The following MPV17 variants were observed in gnomAD, a reference collection of about 807,000 sequenced individuals.
MPV17 encodes mitochondrial inner membrane protein MPV17.
In MPV17, 31 loss-of-function variants were observed where a neutral mutation model predicts 28.6. That is an observed-to-expected ratio of 1.08 (90% CI 0.81 to 1.46). MPV17 has a LOEUF of 1.46. MPV17 is among the 40% of genes most tolerant of loss of function. MPV17 has a pLI of 0.00. For synonymous variants in MPV17, 87 were observed against 85.3 expected, an observed-to-expected ratio of 1.02 and a Z score of -0.11; for missense variants, 198 against 216.2, an observed-to-expected ratio of 0.92 and a Z score of 0.53.
intron 2 of MPV17, among the ~76,000 whole-genome samples, chr2:27,318,796 G>A (rs959005519): frequency 4.6e-5 from 7 of 151,462 alleles, no homozygotes; most frequent in African/African-American, 1.2e-4. Flanking sequence ...ATGGAGTCTC[G>A]CTCTGTCGCC....
chr2:27,312,255 A>C lies in MPV17; in HGVS notation c.376-9T>G, dbSNP rs368900406. Reference sequence around the variant, plus strand: ...AGGGCATCAGGATAATCCTGGGGAGACAGAGAAGGAACAAATTAACACTTG... The same window carrying C: ...AGGGCATCAGGATAATCCTGGGGAGCCAGAGAAGGAACAAATTAACACTTG... On this transcript the variant is annotated splice_polypyrimidine_tract_variant and intron_variant, in intron 5 of 7. Transcript: ENST00000380044. 55 of 1,613,900 alleles carry C rather than the reference A, an allele frequency of 3.4e-5. No individual in the cohort carries two copies. The highest frequency in any genetic ancestry group is 1.6e-4 in the Middle Eastern group (1 of 6,084).
At position 27,311,884 on chromosome 2, in the gene MPV17, AGG is replaced by A. The variant is rs1679453975; in HGVS notation, c.461+13_461+14del. On this transcript the variant is annotated intron_variant, in intron 7 of 7. Coordinates refer to ENST00000380044, the MANE Select transcript of MPV17 (RefSeq NM_002437.5). ...GTGGGTCTTCCTTGATGGGTGGGGTAGGGGTGCAACATACCTGTAATGAAGGG... is the reference window on the plus strand; with the variant it reads ...GTGGGTCTTCCTTGATGGGTGGGGTAGGTGCAACATACCTGTAATGAAGGG... 1 of 1,613,032 alleles carries A rather than the reference AGG, an allele frequency of 6.2e-7. No individual in the cohort carries two copies. Among genetic ancestry groups the A allele is most frequent in the Admixed American group, 1.7e-5 (1 of 59,968 alleles).
Position 27,317,322 on chromosome 2 carries a change from G to T in MPV17, c.71-4213C>A. Reference sequence around the variant, plus strand: ...GGAAGCCCAGCAGCGGGAGGGGAGTGGATCCTCTGGGATTATTCTGAATGC... The same window carrying T: ...GGAAGCCCAGCAGCGGGAGGGGAGTTGATCCTCTGGGATTATTCTGAATGC... On this transcript the variant is annotated intron_variant, in intron 2 of 7. Coordinates refer to ENST00000380044, the MANE Select transcript of MPV17 (RefSeq NM_002437.5). This position sits in a 1 kb window ranked among gnomAD's most constrained non-coding sequence, Gnocchi z 4.0. 9.0e-7 allele frequency: 1 copy of T among 1,105,798 alleles called. No homozygotes were observed. The highest frequency in any genetic ancestry group is 1.2e-6 in the Non-Finnish European group (1 of 801,838). The allele number at this position is 1,105,798 out of a possible 1,614,324, so 68.5% of individuals were successfully genotyped here.
intron 2 of MPV17, among the ~76,000 whole-genome samples, chr2:27,319,145 T>C (rs534924512): frequency 6.6e-6 from 1 of 151,950 alleles, no homozygotes; most frequent in African/African-American, 2.4e-5. Context: ...AATTCAATAA[T>C]GCATCCTTAG....
intron 2 of MPV17, among the ~76,000 whole-genome samples, chr2:27,318,370 T>G (rs1572550519): frequency 6.6e-6 from 1 of 151,250 alleles, no homozygotes; most frequent in Non-Finnish European, 1.5e-5. Context: ...CCGGCCTTTT[T>G]TTTTTCAGAT....
intron 2 of MPV17, among the ~76,000 whole-genome samples, chr2:27,313,641 C>T (rs1204392475): frequency 6.6e-6 from 1 of 152,148 alleles, no homozygotes; most frequent in African/African-American, 2.4e-5. Flanking sequence ...TTTTCTCCCC[C>T]AAGCCCAATG....
chr2:27,312,996 C>A lies in MPV17; in HGVS notation c.184G>T (p.Val62Leu). ...LTMVSLGCGF[V>L]GPVVGGWYKV... is the part of the protein sequence containing the mutation. ...GCCCTGTTGAGGGGAGAACTTACCACAAAGCCACAGCCCAGGGACACCATG... is the reference window on the plus strand; with the variant it reads ...GCCCTGTTGAGGGGAGAACTTACCAAAAAGCCACAGCCCAGGGACACCATG... The change falls in exon 3 of 8, where the codon GTG becomes TTG. Residue 62 changes from valine to leucine, a missense_variant and splice_region_variant. By Grantham distance (32) the Val-to-Leu change is conservative. Coordinates refer to ENST00000380044, the MANE Select transcript of MPV17 (RefSeq NM_002437.5). 1 of 1,614,226 alleles carries A rather than the reference C, an allele frequency of 6.2e-7. No homozygotes were observed. Among genetic ancestry groups the A allele is most frequent in the East Asian group, 2.2e-5 (1 of 44,888 alleles).
rs1447006627 is a variant in MPV17 at position 27,312,788 on chromosome 2, A to C, written c.187-16T>G. On this transcript the variant is annotated splice_polypyrimidine_tract_variant and intron_variant, in intron 3 of 7. Coordinates refer to ENST00000380044, the MANE Select transcript of MPV17 (RefSeq NM_002437.5). Reference sequence around the variant, plus strand: ...CCACAGGGCCCTGGAAGTAAACCCCAGATAGCAGCAGGCTGCAGTGAGGGA... The same window carrying C: ...CCACAGGGCCCTGGAAGTAAACCCCCGATAGCAGCAGGCTGCAGTGAGGGA... The C allele has an allele frequency of 6.2e-7, 1 of 1,613,446 alleles. No homozygotes were observed. Among genetic ancestry groups the C allele is most frequent in the Non-Finnish European group, 8.5e-7 (1 of 1,179,640 alleles).
chr2:27,318,389 GCT>G (rs1679735708), intron 2 of MPV17, among the ~76,000 whole-genome samples: 1 of 150,878 alleles, frequency 6.6e-6, no homozygotes, highest in Non-Finnish European at 1.5e-5. Context: ...ATGGAGTCTC[GCT>G]CTGTCGTCCA....
At chr2:27,318,732 A>G (rs1473758781) in intron 2 of MPV17, among the ~76,000 whole-genome samples, 1 of 151,572 alleles carries the variant, frequency 6.6e-6, no homozygotes, top group South Asian at 2.1e-4. Context: ...ATAGCTATTC[A>G]TCCAGACAGT....
Position 27,312,523 on chromosome 2 carries a change from C to T in MPV17, c.346G>A (p.Ala116Thr), listed in dbSNP as rs1679489537. Residue 116 changes from alanine (A) to threonine (T), a missense_variant, in exon 5 of 8, where the codon GCC (alanine) becomes ACC (threonine). By Grantham distance (58) the Ala-to-Thr change is moderately conservative (BLOSUM62 0). Coordinates refer to ENST00000380044, the MANE Select transcript of MPV17 (RefSeq NM_002437.5). ...TGTAGTTTGGCCCAGTTGTCCTGGG[C>T]TGACAGTCCATTAAGTGCCCCTACC... is the stretch of plus-strand genomic sequence containing the variant. ...PLVGALNGLS[A>T]QDNWAKLQRD... is the part of the protein sequence containing the mutation. The T allele has an allele frequency of 6.2e-7, 1 of 1,614,182 alleles. No homozygotes were observed. Among genetic ancestry groups the T allele is most frequent in the Non-Finnish European group, 8.5e-7 (1 of 1,179,996 alleles).
intron 2 of MPV17, among the ~76,000 whole-genome samples, chr2:27,319,400 G>A (rs914727523): frequency 3.4e-5 from 5 of 148,018 alleles, no homozygotes; most frequent in East Asian, 4.2e-4. Flanking sequence ...GTGCAAGCCC[G>A]CGGTCCCAAC....
At chr2:27,316,951 T>C (rs1679677191) in intron 2 of MPV17, 4 of 886,648 alleles carry the variant, frequency 4.5e-6, no homozygotes, top group South Asian at 1.9e-5. Flanking sequence ...GAAGGGAGCC[T>C]GCCTCTGAGC....
At chr2:27,311,851 T>A in intron 7 of MPV17, 48 bp downstream of exon 7, 2 of 1,606,258 alleles carry the variant, frequency 1.2e-6, no homozygotes, top group Non-Finnish European at 1.7e-6. Context: ...TCTCCAACTG[T>A]TGGTAACGTG....
In MPV17 at chr2:27,322,558, G is replaced by A. The variant is rs115537890; in HGVS notation, c.-5-36C>T. ...AAGAGGAGAGGGGGTCACCCCCACC[G>A]TCCCTCTCCACGACTAAGAAGCCGC... On this transcript the variant is annotated intron_variant, in intron 1 of 7. Coordinates refer to ENST00000380044, the MANE Select transcript of MPV17 (RefSeq NM_002437.5). 1,199 of 1,570,798 alleles carry A rather than the reference G, an allele frequency of 7.6e-4. 7 individuals are homozygous for A. In the African/African-American group the frequency reaches 0.014, roughly 18 times the overall value.
chr2:27,322,367 T>G, intron 2 of MPV17, 81 bp downstream of exon 2: 1 of 1,137,616 alleles, frequency 8.8e-7, no homozygotes, highest in Non-Finnish European at 1.3e-6. Context: ...AAACAGGAAG[T>G]GAGGGTGGTG....
Position 27,322,542 on chromosome 2 carries a change from G to C in MPV17, c.-5-20C>G, listed in dbSNP as rs1486319587. 1.2e-6 allele frequency: 2 copies of C among 1,609,464 alleles called. No individual in the cohort carries two copies. The highest frequency in any genetic ancestry group is 1.7e-5 in the Admixed American group (1 of 60,030). On this transcript the variant is annotated intron_variant, in intron 1 of 7. Coordinates refer to ENST00000380044, the MANE Select transcript of MPV17 (RefSeq NM_002437.5). ...TGCTTCCTGTCAAGCCAAGAGGAGA[G>C]GGGGTCACCCCCACCGTCCCTCTCC...
intron 2 of MPV17, 40 bp from the exon 3 acceptor site, chr2:27,313,149 G>A: frequency 6.2e-7 from 1 of 1,613,856 alleles, no homozygotes; most frequent in Non-Finnish European, 8.5e-7. Context: ...CATCTCCTGG[G>A]ATGGGCTGCC....
intron 2 of MPV17, among the ~76,000 whole-genome samples, chr2:27,321,122 A>C (rs956458257): frequency 6.6e-6 from 1 of 152,038 alleles, no homozygotes; most frequent in Non-Finnish European, 1.5e-5. Context: ...AGGTAGGGAA[A>C]TATAAGGACT....
Sources: allele counts gnomAD v4.1 joint callset (sites outside exome capture counted in the v4.1 genomes callset), GRCh38; gene constraint gnomAD v4.1.1; non-coding constraint Gnocchi (gnomAD v3.1); transcripts MANE v1.5; gene names NCBI Gene and HGNC (gene_info 2026-07-23, HGNC 2026-07-21).